SPTLC3: variants seen among roughly 807,000 people sequenced by gnomAD.
SPTLC3 encodes the protein serine palmitoyltransferase 3.
In SPTLC3, 36 loss-of-function variants were observed where a neutral mutation model predicts 59.3. The observed-to-expected ratio is 0.61, with a 90% confidence interval of 0.47 to 0.80. The LOEUF (loss-of-function observed/expected upper bound fraction) is 0.80, where lower values mean the gene tolerates loss of function less well. Among genes scored for constraint, SPTLC3 ranks in the 30% least tolerant of loss-of-function variants. The pLI, the probability that SPTLC3 is intolerant of heterozygous loss-of-function variation, is 0.00. For missense variants in SPTLC3, 625 were observed against 685.1 expected (o/e 0.91, Z 0.98); for synonymous variants, 257 against 240.8 (o/e 1.07, Z -0.62).
At chr20:13,064,910 T>C (rs2749392) in intron 2 of SPTLC3, among the ~76,000 whole-genome samples, 62,140 of 151,974 alleles carry the variant, frequency 0.41, 12,820 homozygotes, top group Middle Eastern at 0.56. Context: ...TTTTCTCTTA[T>C]GGGACACAAT....
At chr20:13,053,086 G>A (rs1032776105) in intron 2 of SPTLC3, among the ~76,000 whole-genome samples, 1 of 152,166 alleles carries the variant, frequency 6.6e-6, no homozygotes, top group African/African-American at 2.4e-5. Context: ...TGACCCCCAG[G>A]CCTCCTGACT....
At chr20:13,078,976 A>G (rs1988745766) in intron 4 of SPTLC3, among the ~76,000 whole-genome samples, 1 of 152,204 alleles carries the variant, frequency 6.6e-6, no homozygotes, top group African/African-American at 2.4e-5. Flanking sequence ...ATAATCAACT[A>G]TAAACGGTAA....
In SPTLC3 at chr20:13,139,912, G is replaced by A. The variant is rs138081206; in HGVS notation, c.1279+13195G>A. Among the ~76,000 whole-genome samples, 47 of 152,208 alleles carry A rather than the reference G, an allele frequency of 3.1e-4. No individual in the cohort carries two copies. The East Asian group carries it at 7.1e-3, about 23-fold the overall frequency. On this transcript the variant is annotated intron_variant, in intron 9 of 11. Coordinates refer to ENST00000399002, the MANE Select transcript of SPTLC3 (RefSeq NM_018327.4). ...CTCTCCTCCTTTTTTAGGGACTCTC[G>A]GGTCTACTAGTCTGGCTTTTACCAC...
At chr20:13,055,394 A>T (rs989444261) in intron 2 of SPTLC3, among the ~76,000 whole-genome samples, 1 of 152,130 alleles carries the variant, frequency 6.6e-6, no homozygotes, top group African/African-American at 2.4e-5. Flanking sequence ...TCTCACAGTG[A>T]TCTCCATGGC....
At chr20:13,031,824 C>T (rs1245322916) in intron 1 of SPTLC3, among the ~76,000 whole-genome samples, 3 of 152,164 alleles carry the variant, frequency 2.0e-5, no homozygotes, top group African/African-American at 7.2e-5. Flanking sequence ...TTTGTCATGT[C>T]TTAAAGATCT....
In SPTLC3 at chr20:13,160,045, G is replaced by A; in HGVS notation, c.1458G>A (p.Val486=). 6.2e-7 allele frequency: 1 copy of A among 1,613,370 alleles called. No homozygotes were observed. Among genetic ancestry groups the A allele is most frequent in the East Asian group, 2.2e-5 (1 of 44,850 alleles). ...TGCTAGAGAAAAAAATTGGAGTGGT[G>A]GTCGTGGGATTTCCAGCCACTCCCC... is the stretch of plus-strand genomic sequence containing the variant. The part of the protein sequence containing the change: ...RHMLEKKIGV[V]VVGFPATPLA... The change falls in exon 11 of 12, where the codon GTG becomes GTA. Residue 486 remains valine (V), a synonymous_variant. Coordinates refer to ENST00000399002, the MANE Select transcript of SPTLC3 (RefSeq NM_018327.4).
chr20:13,110,256 CT>C, intron 7 of SPTLC3, 39 bp downstream of exon 7: 1 of 1,551,938 alleles, frequency 6.4e-7, no homozygotes, highest in Non-Finnish European at 8.9e-7. Context: ...ACTCGGAGGC[CT>C]GCAGCAAGCT....
intron 1 of SPTLC3, among the ~76,000 whole-genome samples, chr20:13,022,630 G>A (rs1419815080): frequency 6.6e-6 from 1 of 152,172 alleles, no homozygotes; most frequent in African/African-American, 2.4e-5. Context: ...AGCCAGGACT[G>A]TGAACTGGAT....
At chr20:13,142,753 A>G (rs573377445) in intron 9 of SPTLC3, among the ~76,000 whole-genome samples, 2 of 152,332 alleles carry the variant, frequency 1.3e-5, no homozygotes, top group Non-Finnish European at 2.9e-5. Flanking sequence ...GCTGTGCCAG[A>G]ATCCAGTCTT....
intron 6 of SPTLC3, among the ~76,000 whole-genome samples, chr20:13,108,185 C>G (rs578059675): frequency 6.6e-6 from 1 of 152,154 alleles, no homozygotes; most frequent in African/African-American, 2.4e-5. Context: ...TCTGACTTGT[C>G]CTATCCCACT....
chr20:13,095,511 C>T (rs1446501621), intron 6 of SPTLC3, among the ~76,000 whole-genome samples: 2 of 152,130 alleles, frequency 1.3e-5, no homozygotes, highest in Non-Finnish European at 2.9e-5. Flanking sequence ...AGCATACATA[C>T]ATATATAAAT....
At chr20:13,077,097 AT>A (rs1368892522) in intron 4 of SPTLC3, among the ~76,000 whole-genome samples, 1 of 152,166 alleles carries the variant, frequency 6.6e-6, no homozygotes, top group Non-Finnish European at 1.5e-5. Context: ...GTCAATTTAC[AT>A]TCCACATAAA....
intron 10 of SPTLC3, among the ~76,000 whole-genome samples, chr20:13,154,478 A>T (rs930566228): frequency 5.9e-5 from 9 of 152,132 alleles, no homozygotes; most frequent in African/African-American, 2.2e-4. Context: ...TCTGAAGATC[A>T]TCTCTCCCCA....
At chr20:13,088,988 G>GA (rs1989109476) in intron 4 of SPTLC3, among the ~76,000 whole-genome samples, 1 of 152,110 alleles carries the variant, frequency 6.6e-6, no homozygotes, top group Non-Finnish European at 1.5e-5. Flanking sequence ...ATTCTAGTTT[G>GA]AAAAGCAAGG....
intron 2 of SPTLC3, among the ~76,000 whole-genome samples, chr20:13,071,417 G>C (rs1189814309): frequency 1.3e-5 from 2 of 152,134 alleles, no homozygotes; most frequent in Non-Finnish European, 2.9e-5. Context: ...AAATTAATTT[G>C]ATGAATCTGA....
intron 6 of SPTLC3, among the ~76,000 whole-genome samples, chr20:13,097,120 A>G (rs2122643756): frequency 6.6e-6 from 1 of 152,272 alleles, no homozygotes; most frequent in Middle Eastern, 3.4e-3. Context: ...GGGACAGTAG[A>G]AAACATTATG....
chr20:13,123,522 C>T (rs774667561), intron 8 of SPTLC3, among the ~76,000 whole-genome samples: 8 of 152,122 alleles, frequency 5.3e-5, no homozygotes, highest in Non-Finnish European at 8.8e-5. Flanking sequence ...CATGGTCACA[C>T]GGCAGTAAGT....
At chr20:13,022,276 T>C (rs1985923948) in intron 1 of SPTLC3, among the ~76,000 whole-genome samples, 1 of 152,162 alleles carries the variant, frequency 6.6e-6, no homozygotes, top group African/African-American at 2.4e-5. Flanking sequence ...TTCTCACCTT[T>C]CCCTCAGCAA....
chr20:13,101,022 C>T (rs1989583373), intron 6 of SPTLC3, among the ~76,000 whole-genome samples: 2 of 152,036 alleles, frequency 1.3e-5, no homozygotes, highest in Admixed American at 1.3e-4. Flanking sequence ...CACAGGAAGG[C>T]AGCCAACATG....
Sources: allele counts gnomAD v4.1 joint callset (sites outside exome capture counted in the v4.1 genomes callset), GRCh38; gene constraint gnomAD v4.1.1; transcripts MANE v1.5; gene names NCBI Gene and HGNC (gene_info 2026-07-23, HGNC 2026-07-21).